CDA: variants seen among roughly 807,000 people sequenced by gnomAD.
CDA encodes the protein cytidine aminohydrolase.
In CDA, 7 loss-of-function variants were observed where a neutral mutation model predicts 15.0. The observed-to-expected ratio is 0.47, with a 90% CI of 0.26 to 0.87. CDA has a LOEUF of 0.87. Among genes scored for constraint, CDA ranks in the 40% least tolerant of loss-of-function variants. The pLI is 0.15. For missense variants in CDA, 159 were observed against 182.7 expected, an observed-to-expected ratio of 0.87 and a Z score of 0.75; for synonymous variants, 58 against 73.0, an observed-to-expected ratio of 0.79 and a Z score of 1.05.
intron 3 of CDA, among the ~76,000 whole-genome samples, chr1:20,618,156 T>A (rs1023421365): frequency 2.6e-5 from 4 of 151,494 alleles, no homozygotes; most frequent in African/African-American, 9.7e-5. Flanking sequence ...TTGTCATTTG[T>A]CATAGCAGAA....
At chr1:20,616,177 T>G (rs2052800106) in intron 3 of CDA, among the ~76,000 whole-genome samples, 1 of 152,142 alleles carries the variant, frequency 6.6e-6, no homozygotes, top group Non-Finnish European at 1.5e-5. Context: ...TCAGGCTGAC[T>G]CTGAAGCCCG....
intron 1 of CDA, among the ~76,000 whole-genome samples, chr1:20,602,739 G>T (rs1570380505): frequency 1.3e-5 from 2 of 152,224 alleles, no homozygotes; most frequent in South Asian, 2.1e-4. Flanking sequence ...GTTTTTATAG[G>T]CCAGGCTTGT....
At chr1:20,604,119 AC>A (rs146753056) in intron 1 of CDA, among the ~76,000 whole-genome samples, 3,823 of 152,164 alleles carry the variant, frequency 0.025, 157 homozygotes, top group African/African-American at 0.087. Flanking sequence ...CTGACACAGA[AC>A]CCTGGCTGAA....
chr1:20,600,129 A>T (rs1325080070), intron 1 of CDA, among the ~76,000 whole-genome samples: 1 of 152,228 alleles, frequency 6.6e-6, no homozygotes, highest in Non-Finnish European at 1.5e-5. Context: ...AAAGTAAAGG[A>T]AGATTTCTGT....
chr1:20,611,405 G>A (rs957804666), intron 2 of CDA, among the ~76,000 whole-genome samples: 5 of 152,132 alleles, frequency 3.3e-5, no homozygotes, highest in Non-Finnish European at 4.4e-5. Context: ...GTTTTGAGGC[G>A]GAGTCTCGCT....
chr1:20,591,839 G>GT lies in CDA; in HGVS notation c.154+2565dup, dbSNP rs35125816. Among the ~76,000 whole-genome samples, 427 of 127,624 alleles carry GT rather than the reference G, an allele frequency of 3.3e-3. 2 individuals carry two copies. Among genetic ancestry groups the GT allele is most frequent in the African/African-American group, 4.2e-3 (142 of 33,604 alleles). 83.7% of individuals were successfully genotyped at this position (127,624 alleles called of 152,430 possible). A position where few individuals can be genotyped will look rare whatever the true frequency, so the allele number is the denominator to read the frequency against. On this transcript the variant is annotated intron_variant, in intron 1 of 3. Coordinates refer to ENST00000375071, the MANE Select transcript of CDA (RefSeq NM_001785.3). ...GCTCATACATTTTATTTATTTATGG[G>GT]TTTTTTTTTGTTTTTTTTTTTTGAG...
At chr1:20,604,892 T>A (rs2052680264) in intron 1 of CDA, 36 bp from the exon 2 acceptor site, 1 of 1,366,610 alleles carries the variant, frequency 7.3e-7, no homozygotes, top group African/African-American at 1.4e-5. Context: ...GAAGTGTCTC[T>A]GCCAGACATA....
chr1:20,589,822 CT>C (rs1434177712), intron 1 of CDA, among the ~76,000 whole-genome samples: 2 of 152,142 alleles, frequency 1.3e-5, no homozygotes, highest in Non-Finnish European at 2.9e-5. Flanking sequence ...GTGCTCAGTG[CT>C]GGCCAGGGTG....
intron 1 of CDA, among the ~76,000 whole-genome samples, chr1:20,595,005 G>A (rs947811822): frequency 2.6e-5 from 4 of 152,118 alleles, no homozygotes; most frequent in Admixed American, 1.3e-4. Flanking sequence ...TGCATCTGGC[G>A]ATGAGACCAC....
intron 2 of CDA, 106 bp from the exon 3 acceptor site, chr1:20,613,736 G>A: frequency 9.6e-7 from 1 of 1,041,520 alleles, no homozygotes; most frequent in Non-Finnish European, 1.5e-6. Flanking sequence ...TGCCTGATGG[G>A]GTATGACCCA....
At chr1:20,595,864 G>T (rs2052587717) in intron 1 of CDA, among the ~76,000 whole-genome samples, 1 of 139,906 alleles carries the variant, frequency 7.1e-6, no homozygotes. Context: ...AAAAAAAAAG[G>T]CCAGGCACGG....
At chr1:20,597,261 A>G (rs755165480) in intron 1 of CDA, among the ~76,000 whole-genome samples, 1 of 152,216 alleles carries the variant, frequency 6.6e-6, no homozygotes, top group Non-Finnish European at 1.5e-5. Flanking sequence ...ATCCTGGCTA[A>G]CATGGTGAAA....
At chr1:20,617,589 C>G (rs1570388954) in intron 3 of CDA, among the ~76,000 whole-genome samples, 1 of 152,266 alleles carries the variant, frequency 6.6e-6, no homozygotes, top group East Asian at 1.9e-4. Context: ...TTGCCTGTTG[C>G]CAGGTAAGAC....
At chr1:20,618,325 T>G (rs2052836972) in intron 3 of CDA, 127 bp from the exon 4 acceptor site, 1 of 697,578 alleles carries the variant, frequency 1.4e-6, no homozygotes, top group Non-Finnish European at 2.6e-6. Flanking sequence ...TCATTCCCCT[T>G]TTACAGATGA....
chr1:20,593,577 T>A (rs769290603), intron 1 of CDA, among the ~76,000 whole-genome samples: 1 of 152,082 alleles, frequency 6.6e-6, no homozygotes, highest in Non-Finnish European at 1.5e-5. Context: ...CATTCTTTTG[T>A]TTTTGTTTTT....
At chr1:20,603,547 G>A (rs1448396256) in intron 1 of CDA, among the ~76,000 whole-genome samples, 1 of 152,144 alleles carries the variant, frequency 6.6e-6, no homozygotes, top group Non-Finnish European at 1.5e-5. Context: ...ATCACCTTGG[G>A]CCACATCCCA....
chr1:20,593,016 C>G (rs1358618482), intron 1 of CDA, among the ~76,000 whole-genome samples: 2 of 152,086 alleles, frequency 1.3e-5, no homozygotes, highest in Non-Finnish European at 2.9e-5. Context: ...TCACTTGAGC[C>G]CCAGGAGTTC....
intron 1 of CDA, among the ~76,000 whole-genome samples, chr1:20,593,572 T>G (rs2052566698): frequency 6.6e-6 from 1 of 152,122 alleles, no homozygotes; most frequent in Non-Finnish European, 1.5e-5. Context: ...GTTTCCATTC[T>G]TTTGTTTTTG....
intron 1 of CDA, among the ~76,000 whole-genome samples, chr1:20,602,550 A>G (rs1318660326): frequency 6.6e-6 from 1 of 152,092 alleles, no homozygotes; most frequent in African/African-American, 2.4e-5. Context: ...CAGACTACTG[A>G]GTAGCTGGGA....
Sources: gnomAD v4.1 joint callset for allele counts (sites outside exome capture counted in the v4.1 genomes callset) on GRCh38, gnomAD v4.1.1 for gene constraint, MANE v1.5 for transcripts, NCBI Gene and HGNC (gene_info 2026-07-23, HGNC 2026-07-21) for gene names.